MYO16: variants seen among roughly 807,000 people sequenced by gnomAD.
MYO16 encodes unconventional myosin-XVI.
In MYO16, 94 loss-of-function variants were observed where a neutral mutation model predicts 205.3. The ratio of observed to expected loss-of-function variants is 0.46; its 90% CI spans 0.39 to 0.54. MYO16 has a LOEUF of 0.54. MYO16 is among the 20% of genes least tolerant of loss of function. The pLI, the probability that MYO16 is intolerant of heterozygous loss-of-function variation, is 0.00. For synonymous variants in MYO16, 988 were observed against 954.0 expected (o/e 1.04, Z -0.66); for missense variants, 2,315 against 2,387.5 (o/e 0.97, Z 0.63).
chr13:108,542,927 TTTA>T, the MYO16 span, among the ~76,000 whole-genome samples: 3 of 151,724 alleles, frequency 2.0e-5, no homozygotes, highest in Non-Finnish European at 4.4e-5. Flanking sequence ...ATAATATGAT[TTTA>T]TTATTATGCT....
intron 2 of MYO16, among the ~76,000 whole-genome samples, chr13:108,680,612 C>T (rs1045726025): frequency 1.3e-5 from 2 of 152,166 alleles, no homozygotes; most frequent in African/African-American, 2.4e-5. Flanking sequence ...CACCTTGAGG[C>T]ACTTTTTAAT....
chr13:109,157,540 C>G (rs1038162285), intron 32 of MYO16, among the ~76,000 whole-genome samples: 2 of 152,256 alleles, frequency 1.3e-5, no homozygotes, highest in Non-Finnish European at 2.9e-5. Context: ...CCAGCCCACT[C>G]TGACCTCTCC....
At chr13:109,007,167 T>TCACG (rs1164144138) in intron 21 of MYO16, among the ~76,000 whole-genome samples, 8 of 152,032 alleles carry the variant, frequency 5.3e-5, no homozygotes, top group Non-Finnish European at 4.4e-5. Flanking sequence ...GGCGGGTGGA[T>TCACG]CACGAGGTCA....
At chr13:108,772,727 T>C (rs1466503681) in intron 4 of MYO16, among the ~76,000 whole-genome samples, 4 of 152,228 alleles carry the variant, frequency 2.6e-5, no homozygotes, top group Non-Finnish European at 5.9e-5. Flanking sequence ...ATATCCTTGT[T>C]CTTATAAAAT....
rs143796053 is a variant in MYO16 at position 108,971,125 on chromosome 13, A to G, written c.2369+6223A>G. Among the ~76,000 whole-genome samples the G allele has an allele frequency of 1.1e-3, 166 of 152,284 alleles. 1 individual carries two copies. The highest frequency in any genetic ancestry group is 2.9e-3 in the Admixed American group (45 of 15,300). On this transcript the variant is annotated intron_variant, in intron 20 of 34. Transcript: ENST00000457511. ...AATTGGGCCTATTTTATAACGCAGC[A>G]CTTACATCCCCAAGATTGAATTAGC...
chr13:108,657,719 A>T (rs1366972559), intron 1 of MYO16, among the ~76,000 whole-genome samples: 1 of 152,218 alleles, frequency 6.6e-6, no homozygotes, highest in East Asian at 1.9e-4. Context: ...CACTCCTAAT[A>T]GCTGACTCAT....
the MYO16 span, among the ~76,000 whole-genome samples, chr13:108,508,723 A>G: frequency 6.6e-6 from 1 of 152,190 alleles, no homozygotes; most frequent in Non-Finnish European, 1.5e-5. Flanking sequence ...GGTAGAATGT[A>G]AAGGCTTTTC....
Position 108,666,102 on chromosome 13 carries a change from T to A in MYO16, c.245T>A (p.Leu82His). 1 of 1,613,758 alleles carries A rather than the reference T, an allele frequency of 6.2e-7. No homozygotes were observed. ...HAKNPKVHFNLTDMLQDAIIH... is the reference protein window; with the variant it reads ...HAKNPKVHFNHTDMLQDAIIH... ...AAGAATCCGAAAGTTCACTTCAACC[T>A]CACGGACATGCTACAGGACGCGATT... Residue 82 changes from leucine to histidine, a missense_variant, in exon 2 of 35, where the codon CTC (leucine) becomes CAC (histidine). By Grantham distance (99) the Leu-to-His change is moderately conservative. Coordinates refer to ENST00000457511, the MANE Select transcript of MYO16 (RefSeq NM_001198950.3).
intron 12 of MYO16, among the ~76,000 whole-genome samples, chr13:108,881,254 C>G (rs1202011043): frequency 6.6e-6 from 1 of 152,156 alleles, no homozygotes; most frequent in Non-Finnish European, 1.5e-5. Context: ...AACTAACAAA[C>G]AGAAAGGACA....
chr13:109,173,833 A>G (rs1879023457), intron 33 of MYO16, among the ~76,000 whole-genome samples: 1 of 134,992 alleles, frequency 7.4e-6, no homozygotes, highest in South Asian at 2.6e-4. Flanking sequence ...GCTTGCAGTG[A>G]GCCGAGATCG....
intron 31 of MYO16, among the ~76,000 whole-genome samples, chr13:109,132,232 A>C (rs1439220290): frequency 1.3e-5 from 2 of 152,206 alleles, no homozygotes; most frequent in African/African-American, 4.8e-5. Flanking sequence ...AGGCAGCTCT[A>C]GTCCTCACTG....
At chr13:108,546,048 C>T in the MYO16 span, among the ~76,000 whole-genome samples, 6 of 152,248 alleles carry the variant, frequency 3.9e-5, no homozygotes, top group Non-Finnish European at 7.4e-5. Flanking sequence ...GTCCAGCTTC[C>T]GTTATAGCTG....
chr13:109,179,683 A>C, intron 34 of MYO16, 50 bp downstream of exon 34: 2 of 1,428,598 alleles, frequency 1.4e-6, no homozygotes, highest in Non-Finnish European at 2.0e-6. Flanking sequence ...GAATTAAGTT[A>C]TGACAAGGCA....
intron 4 of MYO16, among the ~76,000 whole-genome samples, chr13:108,759,657 T>C (rs9521009): frequency 0.034 from 5,226 of 151,900 alleles, 115 homozygotes; most frequent in South Asian, 0.072. Context: ...CCGTCTCTAC[T>C]AAAAATACAA....
At chr13:109,205,585 A>ATT (rs537828960) in intron 34 of MYO16, among the ~76,000 whole-genome samples, 2 of 150,530 alleles carry the variant, frequency 1.3e-5, no homozygotes, top group African/African-American at 4.9e-5. Context: ...CCAGAATCTC[A>ATT]TTTTTTTTTT....
intron 27 of MYO16, among the ~76,000 whole-genome samples, chr13:109,083,995 G>A (rs1888361025): frequency 6.6e-6 from 1 of 152,160 alleles, no homozygotes; most frequent in South Asian, 2.1e-4. Flanking sequence ...CAGGCTTAAA[G>A]TTGATCCATT....
At chr13:109,147,368 G>A (rs1337543876) in intron 32 of MYO16, among the ~76,000 whole-genome samples, 3 of 152,122 alleles carry the variant, frequency 2.0e-5, no homozygotes, top group African/African-American at 4.8e-5. Flanking sequence ...AAATGCCCCT[G>A]AATTACTCAT....
intron 27 of MYO16, among the ~76,000 whole-genome samples, chr13:109,091,396 G>A (rs1441906114): frequency 8.5e-5 from 13 of 152,124 alleles, no homozygotes; most frequent in Admixed American, 8.5e-4. Flanking sequence ...CCTTGCCTCT[G>A]AAAAACAAAA....
At chr13:108,838,356 TA>T (rs774284290) in intron 9 of MYO16, among the ~76,000 whole-genome samples, 1 of 151,420 alleles carries the variant, frequency 6.6e-6, no homozygotes, top group Admixed American at 6.6e-5. Context: ...ACTCAAATTA[TA>T]AAAAAAATAG....
Sources: allele counts gnomAD v4.1 joint callset (sites outside exome capture counted in the v4.1 genomes callset), GRCh38; gene constraint gnomAD v4.1.1; transcripts MANE v1.5; gene names NCBI Gene and HGNC (gene_info 2026-07-23, HGNC 2026-07-21).